Variants in PARD3 observed in about 807,000 individuals in gnomAD.
PARD3 encodes partitioning defective 3 homolog.
Under a neutral mutation model 155.4 loss-of-function variants are expected in PARD3, and 75 were observed. That is an observed-to-expected ratio of 0.48 (90% CI 0.40 to 0.58). PARD3 has a LOEUF of 0.58. Among genes scored for constraint, PARD3 ranks in the 20% least tolerant of loss-of-function variants. The pLI is 0.00. For missense variants in PARD3, 1,642 were observed against 1,721.7 expected (o/e 0.95, Z 0.82); for synonymous variants, 576 against 610.5 (o/e 0.94, Z 0.83).
At chr10:34,371,275 C>T (rs996463382) in intron 12 of PARD3, among the ~76,000 whole-genome samples, 3 of 151,428 alleles carry the variant, frequency 2.0e-5, no homozygotes, top group African/African-American at 7.3e-5. Context: ...ATATAATTGC[C>T]CTATTTATTT....
At chr10:34,812,935 A>ATGG (rs1844386307) in intron 1 of PARD3, among the ~76,000 whole-genome samples, 2 of 152,014 alleles carry the variant, frequency 1.3e-5, no homozygotes, top group African/African-American at 4.8e-5. Context: ...AAGGCCCTGC[A>ATGG]CTCTAGCCAC....
At chr10:34,456,095 C>A (rs925654833) in intron 4 of PARD3, among the ~76,000 whole-genome samples, 6 of 152,116 alleles carry the variant, frequency 3.9e-5, no homozygotes, top group Non-Finnish European at 8.8e-5. Flanking sequence ...TATGGCAAGA[C>A]AAAGAGGAAA....
At chr10:34,189,721 C>A (rs957607332) in intron 22 of PARD3, among the ~76,000 whole-genome samples, 1 of 152,194 alleles carries the variant, frequency 6.6e-6, no homozygotes, top group Non-Finnish European at 1.5e-5. Context: ...GAACTAGCCA[C>A]CTGCTTCACA....
intron 1 of PARD3, among the ~76,000 whole-genome samples, chr10:34,802,707 AC>A (rs1386690222): frequency 6.6e-6 from 1 of 152,082 alleles, no homozygotes; most frequent in African/African-American, 2.4e-5. Flanking sequence ...TTTAAGAGAG[AC>A]AGTTTTGCCA....
intron 22 of PARD3, 93 bp downstream of exon 22, chr10:34,269,564 C>G (rs1308997536): frequency 7.1e-7 from 1 of 1,407,700 alleles, no homozygotes; most frequent in Non-Finnish European, 9.7e-7. Context: ...AAAGGCAATT[C>G]TGGTTTGAGG....
chr10:34,383,578 G>C (rs893869794), intron 8 of PARD3, among the ~76,000 whole-genome samples: 5 of 152,102 alleles, frequency 3.3e-5, no homozygotes, highest in African/African-American at 1.2e-4. Flanking sequence ...CTGGTTCCCT[G>C]GTCAGGACCT....
At chr10:34,490,604 T>C (rs754590947) in intron 3 of PARD3, among the ~76,000 whole-genome samples, 1 of 152,148 alleles carries the variant, frequency 6.6e-6, no homozygotes, top group Admixed American at 6.5e-5. Flanking sequence ...GTCAATATAG[T>C]CTTGTGTATT....
chr10:34,424,589 A>G (rs1184423680), intron 5 of PARD3, among the ~76,000 whole-genome samples: 2 of 152,066 alleles, frequency 1.3e-5, no homozygotes. Flanking sequence ...GTCTCAGCTC[A>G]CTGCAACCTC....
chr10:34,702,080 G>T (rs984942956), intron 1 of PARD3, among the ~76,000 whole-genome samples: 1 of 152,002 alleles, frequency 6.6e-6, no homozygotes, highest in East Asian at 1.9e-4. Flanking sequence ...CAGGAGAATC[G>T]CTTGAACCCG....
At chr10:34,138,457 T>C (rs141396898) in intron 22 of PARD3, among the ~76,000 whole-genome samples, 60 of 152,254 alleles carry the variant, frequency 3.9e-4, no homozygotes, top group African/African-American at 1.4e-3. Context: ...GGCAAGAATG[T>C]GAGTGCTTTC....
At chr10:34,499,615 G>A (rs544223288) in intron 3 of PARD3, among the ~76,000 whole-genome samples, 8 of 151,888 alleles carry the variant, frequency 5.3e-5, no homozygotes, top group African/African-American at 1.7e-4. Flanking sequence ...ACATGGATCT[G>A]TTGAAATTTT....
intron 2 of PARD3, among the ~76,000 whole-genome samples, chr10:34,587,125 TG>T (rs1361356862): frequency 6.6e-6 from 1 of 151,996 alleles, no homozygotes; most frequent in African/African-American, 2.4e-5. Context: ...TTTTTTATTG[TG>T]TTTTTTTGTT....
intron 2 of PARD3, among the ~76,000 whole-genome samples, chr10:34,686,456 C>A (rs1463290053): frequency 6.6e-6 from 1 of 151,672 alleles, no homozygotes; most frequent in Non-Finnish European, 1.5e-5. Context: ...AAAAATAGGG[C>A]CAGGCGCAGT....
chr10:34,754,348 C>G (rs897920246), intron 1 of PARD3, among the ~76,000 whole-genome samples: 3 of 152,172 alleles, frequency 2.0e-5, no homozygotes, highest in African/African-American at 7.2e-5. Flanking sequence ...GAGAAACATA[C>G]AAGCATCTAT....
chr10:34,251,666 T>A (rs186895953), intron 22 of PARD3, among the ~76,000 whole-genome samples: 27 of 152,286 alleles, frequency 1.8e-4, no homozygotes, highest in African/African-American at 6.0e-4. Flanking sequence ...TCTCTCTCTC[T>A]CAAAACTATA....
At chr10:34,420,946 T>TG (rs1413639588) in intron 5 of PARD3, among the ~76,000 whole-genome samples, 21 of 152,034 alleles carry the variant, frequency 1.4e-4, no homozygotes, top group African/African-American at 3.9e-4. Flanking sequence ...GAGGCCAAGG[T>TG]CGGGGGGATT....
chr10:34,455,174 T>C (rs150099430), intron 4 of PARD3, among the ~76,000 whole-genome samples: 2 of 152,296 alleles, frequency 1.3e-5, no homozygotes, highest in African/African-American at 2.4e-5. Flanking sequence ...GAAACCCAAC[T>C]ATGTTTCCAC....
chr10:34,204,670 G>C (rs1213004920), intron 22 of PARD3, among the ~76,000 whole-genome samples: 1 of 152,084 alleles, frequency 6.6e-6, no homozygotes, highest in Non-Finnish European at 1.5e-5. Context: ...CTGCCATACA[G>C]GATCATCCTA....
intron 7 of PARD3, among the ~76,000 whole-genome samples, chr10:34,386,031 C>T (rs1190719618): frequency 3.9e-5 from 6 of 152,152 alleles, no homozygotes; most frequent in Non-Finnish European, 8.8e-5. Flanking sequence ...ATAAATTAAA[C>T]TCAGACAAAA....
Sources: allele counts gnomAD v4.1 joint callset (sites outside exome capture counted in the v4.1 genomes callset), GRCh38; gene constraint gnomAD v4.1.1; transcripts MANE v1.5; gene names NCBI Gene and HGNC (gene_info 2026-07-23, HGNC 2026-07-21).